Variants in RIMS2 observed in about 807,000 individuals in gnomAD.
RIMS2 encodes regulating synaptic membrane exocytosis 2, also known as regulating synaptic membrane exocytosis protein 2.
In RIMS2, 59 loss-of-function variants were observed where a neutral mutation model predicts 174.4. The ratio of observed to expected loss-of-function variants is 0.34; its 90% CI spans 0.27 to 0.42. RIMS2 has a LOEUF of 0.42. Ranked by LOEUF, RIMS2 falls within the 10% of genes least tolerant of loss-of-function variation. The pLI is 1.00. For synonymous variants in RIMS2, 606 were observed against 572.5 expected, an observed-to-expected ratio of 1.06 and a Z score of -0.84; for missense variants, 1,620 against 1,666.3, an observed-to-expected ratio of 0.97 and a Z score of 0.48.
chr8:103,613,244 A>C (rs1227882594), intron 1 of RIMS2, among the ~76,000 whole-genome samples: 1 of 152,160 alleles, frequency 6.6e-6, no homozygotes, highest in Non-Finnish European at 1.5e-5. Context: ...CTAAGGTGAC[A>C]CTTAAACCAC....
chr8:103,991,804 C>T (rs2094718124), intron 17 of RIMS2, among the ~76,000 whole-genome samples: 1 of 152,078 alleles, frequency 6.6e-6, no homozygotes, highest in African/African-American at 2.4e-5. Flanking sequence ...GATTTAACCT[C>T]TTGCTACCTG....
chr8:103,885,512 A>G, exon 4 of RIMS2: 9 of 1,612,590 alleles, frequency 5.6e-6, no homozygotes, highest in Non-Finnish European at 7.6e-6. Context: ...TAGGCATTCC[A>G]AAGAATATAT....
At chr8:104,096,221 T>G (rs2130612231) in intron 19 of RIMS2, among the ~76,000 whole-genome samples, 1 of 152,248 alleles carries the variant, frequency 6.6e-6, no homozygotes, top group South Asian at 2.1e-4. Context: ...CTCTAATGTG[T>G]TTTCTACATA....
intron 3 of RIMS2, among the ~76,000 whole-genome samples, chr8:103,782,672 C>T (rs1427383256): frequency 6.6e-6 from 1 of 152,162 alleles, no homozygotes; most frequent in Non-Finnish European, 1.5e-5. Context: ...TATTATACAT[C>T]TTTACCAGTG....
chr8:103,802,626 G>T (rs2098619916), intron 3 of RIMS2, among the ~76,000 whole-genome samples: 1 of 152,070 alleles, frequency 6.6e-6, no homozygotes, highest in Admixed American at 6.6e-5. Context: ...AAAGAAAACT[G>T]GTTTGAAATA....
intron 1 of RIMS2, among the ~76,000 whole-genome samples, chr8:103,664,591 A>G: frequency 6.6e-6 from 1 of 152,230 alleles, no homozygotes; most frequent in East Asian, 1.9e-4. Flanking sequence ...ATCTCATGCC[A>G]GTTAGAATGG....
intron 2 of RIMS2, among the ~76,000 whole-genome samples, chr8:103,763,439 GAA>G (rs60882790): frequency 2.1e-5 from 3 of 141,514 alleles, no homozygotes; most frequent in Non-Finnish European, 3.1e-5. Context: ...CTGTTTCAAG[GAA>G]AAAAAAAAAG....
chr8:104,246,199 A>G (rs2099329334), intron 20 of RIMS2, among the ~76,000 whole-genome samples: 1 of 152,198 alleles, frequency 6.6e-6, no homozygotes, highest in South Asian at 2.1e-4. Context: ...CATACCTTCC[A>G]GTGGGCCAGT....
intron 1 of RIMS2, among the ~76,000 whole-genome samples, chr8:103,554,829 A>G (rs1849682127): frequency 6.6e-6 from 1 of 152,228 alleles, no homozygotes; most frequent in African/African-American, 2.4e-5. Flanking sequence ...TGTGATACAG[A>G]CATAACATGA....
chr8:103,536,029 C>G (rs2131071016), intron 1 of RIMS2, among the ~76,000 whole-genome samples: 1 of 152,266 alleles, frequency 6.6e-6, no homozygotes, highest in South Asian at 2.1e-4. Context: ...CAAGTAGAGA[C>G]TATAGCAAAA....
At chr8:104,090,227 A>T (rs1469427736) in intron 19 of RIMS2, among the ~76,000 whole-genome samples, 1 of 151,770 alleles carries the variant, frequency 6.6e-6, no homozygotes, top group East Asian at 1.9e-4. Context: ...AGTATAGGGA[A>T]TCTTTCCTTA....
At chr8:103,855,037 C>T (rs979798170) in intron 3 of RIMS2, among the ~76,000 whole-genome samples, 2 of 151,944 alleles carry the variant, frequency 1.3e-5, no homozygotes, top group Non-Finnish European at 1.5e-5. Flanking sequence ...AATTTCAGAG[C>T]TCAATATTGG....
At chr8:103,939,007 C>G (rs568534205) in intron 13 of RIMS2, among the ~76,000 whole-genome samples, 74 of 152,292 alleles carry the variant, frequency 4.9e-4, no homozygotes, top group African/African-American at 1.8e-3. Context: ...CTTTCATGGG[C>G]TGGCGCTGAG....
chr8:103,913,760 G>A (rs1358481741), intron 6 of RIMS2, among the ~76,000 whole-genome samples: 6 of 152,184 alleles, frequency 3.9e-5, no homozygotes, highest in Non-Finnish European at 8.8e-5. Flanking sequence ...GAGAGTGGGA[G>A]TGGGAAGCAA....
chr8:104,051,372 T>C (rs2096782756), intron 19 of RIMS2, among the ~76,000 whole-genome samples: 1 of 152,152 alleles, frequency 6.6e-6, no homozygotes, highest in African/African-American at 2.4e-5. Context: ...ATTAATACAT[T>C]ATGTTGCATA....
intron 2 of RIMS2, among the ~76,000 whole-genome samples, 180 bp downstream of exon 4, chr8:103,697,476 A>G (rs2097117556): frequency 6.6e-6 from 1 of 151,540 alleles, no homozygotes; most frequent in African/African-American, 2.4e-5. Context: ...TGGTAGGCCA[A>G]GGCGGGCGGA....
At chr8:103,908,847 C>T (rs928830692) in intron 4 of RIMS2, among the ~76,000 whole-genome samples, 2 of 152,144 alleles carry the variant, frequency 1.3e-5, no homozygotes, top group African/African-American at 4.8e-5. Context: ...CAGATTATGT[C>T]ACCATTTCAC....
chr8:103,738,020 C>T (rs371608173), intron 2 of RIMS2, among the ~76,000 whole-genome samples: 137 of 152,256 alleles, frequency 9.0e-4, no homozygotes, highest in African/African-American at 3.2e-3. Flanking sequence ...AGAATAGGAA[C>T]ATGTCTGTCT....
intron 21 of RIMS2, 118 bp downstream of exon 27, chr8:104,248,931 C>T (rs62508133): frequency 5.6e-5 from 28 of 499,104 alleles, no homozygotes; most frequent in Non-Finnish European, 4.6e-5. Context: ...CTCTCTCCCT[C>T]TATTTTTTTT....
Sources: gnomAD v4.1 joint callset for allele counts (sites outside exome capture counted in the v4.1 genomes callset) on GRCh38, gnomAD v4.1.1 for gene constraint, MANE v1.5 for transcripts, NCBI Gene and HGNC (gene_info 2026-07-23, HGNC 2026-07-21) for gene names.